The following RHOBTB3 variants were observed in gnomAD, a reference collection of about 807,000 sequenced individuals.
RHOBTB3 encodes Rho related BTB domain containing 3, also known as rho-related BTB domain-containing protein 3.
In RHOBTB3, 47 loss-of-function variants were observed where a neutral mutation model predicts 67.2. The ratio of observed to expected loss-of-function variants is 0.70; its 90% CI spans 0.55 to 0.89. The LOEUF (loss-of-function observed/expected upper bound fraction) is 0.89. Ranked by LOEUF, RHOBTB3 falls within the 40% of genes least tolerant of loss-of-function variation. RHOBTB3 has a pLI of 0.00. For synonymous variants in RHOBTB3, 273 were observed against 274.2 expected, an observed-to-expected ratio of 1.00 and a Z score of 0.04; for missense variants, 631 against 750.0, an observed-to-expected ratio of 0.84 and a Z score of 1.85.
intron 2 of RHOBTB3, among the ~76,000 whole-genome samples, chr5:95,733,516 A>G (rs1304030186): frequency 2.6e-5 from 4 of 152,242 alleles, no homozygotes; most frequent in Non-Finnish European, 5.9e-5. Flanking sequence ...TTTTGCAAAC[A>G]GTAATGCTTG....
At chr5:95,764,884 A>G (rs1283661317) in intron 7 of RHOBTB3, among the ~76,000 whole-genome samples, 1 of 149,854 alleles carries the variant, frequency 6.7e-6, no homozygotes, top group Non-Finnish European at 1.5e-5. Flanking sequence ...TTTTTTTTTT[A>G]GTAACACATT....
intron 1 of RHOBTB3, among the ~76,000 whole-genome samples, chr5:95,723,428 C>T (rs980226189): frequency 1.3e-4 from 20 of 152,262 alleles, no homozygotes; most frequent in African/African-American, 4.8e-4. Context: ...AAGAATGACC[C>T]AGGGAATAAA....
chr5:95,772,174 A>G (rs1176701484), intron 8 of RHOBTB3, among the ~76,000 whole-genome samples: 2 of 152,188 alleles, frequency 1.3e-5, no homozygotes, highest in Non-Finnish European at 2.9e-5. Flanking sequence ...ATAACAACCT[A>G]GGGCACTGCT....
At position 95,731,846 on chromosome 5, in the gene RHOBTB3, T is replaced by C. The variant is rs1428841794; in HGVS notation, c.3-13T>C. On this transcript the variant is annotated splice_polypyrimidine_tract_variant and intron_variant, in intron 1 of 11. Coordinates refer to ENST00000379982, the MANE Select transcript of RHOBTB3 (RefSeq NM_014899.4). ...GTGCTTCCCTTCTCCCCTCGCCCCC[T>C]CTGTCCGTGCAGGTCCATCCACATC... is the stretch of plus-strand genomic sequence containing the variant. 1 of 1,608,190 alleles carries C rather than the reference T, an allele frequency of 6.2e-7. No homozygotes were observed. The highest frequency in any genetic ancestry group is 1.3e-5 in the African/African-American group (1 of 74,794).
chr5:95,731,297 C>G, upstream of RHOBTB3: 1 of 1,040,512 alleles, frequency 9.6e-7, no homozygotes, highest in East Asian at 8.3e-5. Context: ...TCCCCGACCC[C>G]CCTTCTCTGC....
intron 3 of RHOBTB3, among the ~76,000 whole-genome samples, chr5:95,739,201 C>T (rs1320622762): frequency 6.6e-6 from 1 of 152,242 alleles, no homozygotes; most frequent in Non-Finnish European, 1.5e-5. Flanking sequence ...TTCACCCAAA[C>T]AAGAATCATC....
At position 95,796,334 on chromosome 5, in the gene RHOBTB3, T is replaced by G. The variant is rs547955501; in HGVS notation, c.*3160T>G. ...TTTTTAGCTTTAGTATTTAACTTTT[T>G]GTAACAAATAAACCTTTTTTAAAAC... On this transcript the variant is annotated 3_prime_UTR_variant, in exon 12 of 12. Coordinates refer to ENST00000379982, the MANE Select transcript of RHOBTB3 (RefSeq NM_014899.4). 1.6e-3 allele frequency: 238 copies of G among 152,384 alleles called. No homozygotes were observed. The highest frequency in any genetic ancestry group is 5.4e-3 in the African/African-American group (223 of 41,594). The allele number at this position is 152,384 out of a possible 1,614,324, so 9.4% of individuals were successfully genotyped here.
At chr5:95,759,979 A>C (rs534369716) in intron 6 of RHOBTB3, among the ~76,000 whole-genome samples, 1 of 152,170 alleles carries the variant, frequency 6.6e-6, no homozygotes, top group Non-Finnish European at 1.5e-5. Context: ...ATTACAAAGA[A>C]TATCTTAATT....
At chr5:95,738,417 T>C (rs917299249) in intron 3 of RHOBTB3, among the ~76,000 whole-genome samples, 1 of 152,206 alleles carries the variant, frequency 6.6e-6, no homozygotes, top group Non-Finnish European at 1.5e-5. Context: ...TCTGAATTTG[T>C]TCCCCAAAGT....
chr5:95,756,668 G>A (rs1745255668), intron 6 of RHOBTB3, among the ~76,000 whole-genome samples: 1 of 151,932 alleles, frequency 6.6e-6, no homozygotes, highest in Non-Finnish European at 1.5e-5. Flanking sequence ...GCCAACACTT[G>A]CTGTTTATTT....
chr5:95,722,521 C>T (rs943620497), intron 1 of RHOBTB3, among the ~76,000 whole-genome samples: 8 of 151,842 alleles, frequency 5.3e-5, no homozygotes, highest in African/African-American at 1.5e-4. Context: ...GATGGAGTCT[C>T]GCTCTGTCAC....
At chr5:95,786,143 G>T (rs1014092951) in intron 10 of RHOBTB3, among the ~76,000 whole-genome samples, 2 of 152,150 alleles carry the variant, frequency 1.3e-5, no homozygotes, top group African/African-American at 4.8e-5. Context: ...TTTGGCAATT[G>T]TGAATTCCAG....
At chr5:95,732,228 T>C (rs1412713087) in intron 2 of RHOBTB3, 144 bp downstream of exon 2, 2 of 752,028 alleles carry the variant, frequency 2.7e-6, no homozygotes, top group Admixed American at 4.4e-5. Context: ...AGAAAATCTT[T>C]GGTCCTTTGT....
intron 9 of RHOBTB3, chr5:95,782,213 ATTATG>A (rs1328480559): frequency 6.6e-5 from 10 of 152,336 alleles, no homozygotes; most frequent in African/African-American, 2.4e-4. Context: ...AGGTAATGTT[ATTATG>A]TTAAATATTC....
intron 2 of RHOBTB3, among the ~76,000 whole-genome samples, chr5:95,733,259 A>G (rs1755352525): frequency 2.0e-5 from 3 of 152,246 alleles, no homozygotes; most frequent in Admixed American, 6.5e-5. Context: ...GATGCTGTTC[A>G]TAAGAAGTAT....
chr5:95,778,942 A>C (rs1320277895), intron 8 of RHOBTB3, among the ~76,000 whole-genome samples: 1 of 152,240 alleles, frequency 6.6e-6, no homozygotes, highest in Admixed American at 6.5e-5. Flanking sequence ...GTGGCTGTGC[A>C]AATGGCAGTG....
rs756647506 is a variant in RHOBTB3 at position 95,783,876 on chromosome 5, G to C, written c.1536G>C (p.Leu512=). The change falls in exon 10 of 12, where the codon CTG becomes CTC. Residue 512 remains leucine (L), a synonymous_variant. Transcript: ENST00000379982. ...CCAGACTGCAGCACATCTGTGAGCTGTTCATCATTACCCAGCTGCAGAGCA... is the reference window on the plus strand; with the variant it reads ...CCAGACTGCAGCACATCTGTGAGCTCTTCATCATTACCCAGCTGCAGAGCA... ...QVSRLQHICE[L]FIITQLQSMP... 3.7e-6 allele frequency: 6 copies of C among 1,614,000 alleles called. No individual in the cohort carries two copies. Among genetic ancestry groups the C allele is most frequent in the Non-Finnish European group, 4.2e-6 (5 of 1,179,940 alleles).
chr5:95,770,596 G>A (rs2112817469), intron 8 of RHOBTB3: 1 of 454,540 alleles, frequency 2.2e-6, no homozygotes, highest in Admixed American at 2.2e-5. Flanking sequence ...TTTATTAGAT[G>A]CTGCTTGGGT....
intron 11 of RHOBTB3, among the ~76,000 whole-genome samples, chr5:95,790,485 T>C (rs1363662666): frequency 6.6e-6 from 1 of 152,232 alleles, no homozygotes; most frequent in Non-Finnish European, 1.5e-5. Context: ...AGAAGGATGG[T>C]CTATAAATCC....
Sources: allele counts gnomAD v4.1 joint callset (sites outside exome capture counted in the v4.1 genomes callset), GRCh38; gene constraint gnomAD v4.1.1; transcripts MANE v1.5; gene names NCBI Gene and HGNC (gene_info 2026-07-23, HGNC 2026-07-21).